SRFBP1: variants seen among roughly 807,000 people sequenced by gnomAD.
SRFBP1 encodes the protein serum response factor binding protein 1.
A neutral mutation model predicts 45.5 loss-of-function variants in SRFBP1; 47 were observed. The observed-to-expected ratio is 1.03, with a 90% confidence interval of 0.82 to 1.32. The LOEUF (loss-of-function observed/expected upper bound fraction) is 1.32, where lower values mean the gene tolerates loss of function less well. SRFBP1 is among the 40% of genes most tolerant of loss of function. The probability of loss-of-function intolerance (pLI) is 0.00; values close to 1 mark genes in which losing one functional copy is unlikely to be tolerated. For synonymous variants in SRFBP1, 203 were observed against 166.3 expected (o/e 1.22, Z -1.70); for missense variants, 621 against 484.6 (o/e 1.28, Z -2.64).
At chr5:121,988,680 A>G (rs1752565467) in intron 3 of SRFBP1, among the ~76,000 whole-genome samples, 1 of 152,214 alleles carries the variant, frequency 6.6e-6, no homozygotes, top group Non-Finnish European at 1.5e-5. Context: ...ACCCAAAGTG[A>G]AAACACATTA....
intron 4 of SRFBP1, among the ~76,000 whole-genome samples, chr5:122,007,980 C>G (rs1366615055): frequency 1.3e-5 from 2 of 151,280 alleles, no homozygotes; most frequent in Non-Finnish European, 2.9e-5. Context: ...GTACTGGGGT[C>G]GGTATATATC....
chr5:122,054,139 A>C (rs1026681176), intron 2 of SRFBP1, among the ~76,000 whole-genome samples: 7 of 152,140 alleles, frequency 4.6e-5, no homozygotes, highest in Non-Finnish European at 8.8e-5. Flanking sequence ...CCAGGGCCCA[A>C]AGCTTGTAGA....
intron 2 of SRFBP1, among the ~76,000 whole-genome samples, chr5:122,051,123 G>A (rs1040159155): frequency 6.6e-6 from 1 of 152,084 alleles, no homozygotes; most frequent in Non-Finnish European, 1.5e-5. Context: ...AGTATGGTTA[G>A]TATGATTCTA....
downstream of SRFBP1, chr5:122,077,864 G>A (rs984576522): frequency 1.3e-6 from 2 of 1,537,054 alleles, no homozygotes; most frequent in Middle Eastern, 1.7e-4. The surrounding 1 kb of genome is among the most constrained non-coding windows in gnomAD (Gnocchi z 4.9). Context: ...CTGGCGCCAG[G>A]CGCCCGGAGC....
At chr5:122,055,238 C>T (rs1321991912) in intron 2 of SRFBP1, among the ~76,000 whole-genome samples, 2 of 152,120 alleles carry the variant, frequency 1.3e-5, no homozygotes, top group Non-Finnish European at 2.9e-5. Context: ...AAACAGGCTC[C>T]CTTGGACCTC....
chr5:122,046,546 C>A (rs1459011911), intron 2 of SRFBP1, among the ~76,000 whole-genome samples: 2 of 152,092 alleles, frequency 1.3e-5, no homozygotes, highest in Non-Finnish European at 2.9e-5. Flanking sequence ...ATTTATAATC[C>A]TTTGGGTATA....
At chr5:121,976,352 T>TAA (rs1752303915) in intron 3 of SRFBP1, among the ~76,000 whole-genome samples, 2 of 151,958 alleles carry the variant, frequency 1.3e-5, no homozygotes, top group African/African-American at 4.8e-5. Context: ...ATAACTTTTA[T>TAA]TTCTCAAGGT....
chr5:121,978,019 C>A (rs961266065), intron 3 of SRFBP1, among the ~76,000 whole-genome samples: 1 of 152,126 alleles, frequency 6.6e-6, no homozygotes, highest in African/African-American at 2.4e-5. Context: ...AGCCTATCAA[C>A]ACTTATAGAT....
intron 1 of SRFBP1, 68 bp from the exon 2 acceptor site, chr5:121,974,128 C>A: frequency 9.1e-7 from 1 of 1,096,912 alleles, no homozygotes; most frequent in Non-Finnish European, 1.4e-6. Context: ...AATATTAAGA[C>A]TCAAAATAAA....
intron 1 of SRFBP1, among the ~76,000 whole-genome samples, chr5:121,970,551 T>C (rs1332728612): frequency 6.6e-6 from 1 of 152,102 alleles, no homozygotes; most frequent in Non-Finnish European, 1.5e-5. Flanking sequence ...TTTTTTTTTT[T>C]CCTTAAGCCT....
intron 3 of SRFBP1, among the ~76,000 whole-genome samples, chr5:121,985,736 CT>C (rs1416821130): frequency 6.6e-6 from 1 of 151,818 alleles, no homozygotes; most frequent in Non-Finnish European, 1.5e-5. Context: ...ATGCCATGTA[CT>C]TTTCTAGACA....
intron 2 of SRFBP1, chr5:122,063,981 CAT>C (rs1338166073): frequency 2.0e-5 from 3 of 151,894 alleles, no homozygotes; most frequent in Non-Finnish European, 4.4e-5. Flanking sequence ...GTTGTATTCT[CAT>C]ATATGTTATG....
At chr5:122,002,022 T>G (rs1752883843) in intron 4 of SRFBP1, among the ~76,000 whole-genome samples, 1 of 152,242 alleles carries the variant, frequency 6.6e-6, no homozygotes, top group East Asian at 1.9e-4. Flanking sequence ...TATTACATAT[T>G]GATTTGTCTT....
At chr5:121,999,234 T>A (rs1457177954) in intron 4 of SRFBP1, among the ~76,000 whole-genome samples, 2 of 152,206 alleles carry the variant, frequency 1.3e-5, no homozygotes, top group African/African-American at 4.8e-5. Context: ...GATTCATGGT[T>A]TAATTCGAAA....
downstream of SRFBP1, chr5:122,076,074 T>C (rs1432076685): frequency 1.3e-5 from 2 of 152,174 alleles, no homozygotes; most frequent in Non-Finnish European, 2.9e-5. Context: ...GGCAGTACTG[T>C]AAAAACATCA....
chr5:122,027,089 C>T lies in SRFBP1; in HGVS notation c.1253C>T (p.Ala418Val). ...CGAAAAGAACAGCAATCTAATATTG[C>T]TGTGTTTCAGGGGAAAAAAATTACG... is the stretch of plus-strand genomic sequence containing the variant. ...RRRKEQQSNI[A>V]VFQGKKITFD... The change falls in exon 8 of 8, where the codon GCT becomes GTT. Residue 418 changes from alanine (A) to valine (V), a missense_variant. Ala to Val is a moderately conservative substitution (Grantham distance 64). Coordinates refer to ENST00000339397, the MANE Select transcript of SRFBP1 (RefSeq NM_152546.3). The T allele has an allele frequency of 6.2e-7, 1 of 1,611,134 alleles. No individual in the cohort carries two copies. Among genetic ancestry groups the T allele is most frequent in the South Asian group, 1.1e-5 (1 of 90,378 alleles).
rs752440215 is a variant in SRFBP1, at chr5:122,027,077, A to T, written c.1241A>T (p.Gln414Leu). Residue 414 changes from glutamine (Q) to leucine (L), a missense_variant, in exon 8 of 8, where the codon CAA becomes CTA. Coordinates refer to ENST00000339397, the MANE Select transcript of SRFBP1 (RefSeq NM_152546.3). Reference sequence around the variant, plus strand: ...GCAAGCAGAAGGCGAAAAGAACAGCAATCTAATATTGCTGTGTTTCAGGGG... The same window carrying T: ...GCAAGCAGAAGGCGAAAAGAACAGCTATCTAATATTGCTGTGTTTCAGGGG... ...WEASRRRKEQ[Q>L]SNIAVFQGKK... 2 of 1,612,766 alleles carry T rather than the reference A, an allele frequency of 1.2e-6. No homozygotes were observed. Among genetic ancestry groups the T allele is most frequent in the Non-Finnish European group, 1.7e-6 (2 of 1,179,688 alleles).
chr5:122,040,637 GT>G (rs1753759128), intron 2 of SRFBP1, among the ~76,000 whole-genome samples: 1 of 152,124 alleles, frequency 6.6e-6, no homozygotes, highest in Non-Finnish European at 1.5e-5. Context: ...AATTTAGCTC[GT>G]ATTTGAAATA....
At chr5:121,995,060 T>C (rs868074977) in intron 4 of SRFBP1, among the ~76,000 whole-genome samples, 91 of 151,454 alleles carry the variant, frequency 6.0e-4, no homozygotes, top group African/African-American at 2.0e-3. Context: ...CATACAATAA[T>C]AATGGGAGAC....
Sources: gnomAD v4.1 joint callset for allele counts (sites outside exome capture counted in the v4.1 genomes callset) on GRCh38, gnomAD v4.1.1 for gene constraint, Gnocchi (gnomAD v3.1) non-coding constraint, MANE v1.5 for transcripts, NCBI Gene and HGNC (gene_info 2026-07-23, HGNC 2026-07-21) for gene names.